The following ALK variants were observed in gnomAD, a reference collection of about 807,000 sequenced individuals.
ALK encodes the protein ALK tyrosine kinase receptor.
In ALK, 74 loss-of-function variants were observed where a neutral mutation model predicts 163.1. The ratio of observed to expected loss-of-function variants is 0.45; its 90% CI spans 0.38 to 0.55. The LOEUF is 0.55. Among genes scored for constraint, ALK ranks in the 20% least tolerant of loss-of-function variants. The pLI is 0.00. For missense variants in ALK, 2,063 were observed against 2,105.3 expected (o/e 0.98, Z 0.39); for synonymous variants, 960 against 843.2 (o/e 1.14, Z -2.40).
rs2148197494 is a variant in ALK, at chr2:29,251,197, G to C, written c.2112C>G (p.Ala704=). Residue 704 remains alanine (A), a synonymous_variant, in exon 12 of 29, where the codon GCC becomes GCG. Transcript: ENST00000389048. ...CCACGCTCAGGTTGGAGTTCTGGTA[G>C]GCGTTGTTGCACTGTGCCTGGGTGG... is the stretch of plus-strand genomic sequence containing the variant. ...HGPTQAQCNN[A]YQNSNLSVEV... The C allele has an allele frequency of 6.2e-7, 1 of 1,614,168 alleles. No individual in the cohort carries two copies. Among genetic ancestry groups the C allele is most frequent in the Non-Finnish European group, 8.5e-7 (1 of 1,180,010 alleles).
At chr2:29,486,599 C>T (rs922253229) in intron 4 of ALK, among the ~76,000 whole-genome samples, 11 of 152,142 alleles carry the variant, frequency 7.2e-5, no homozygotes, top group South Asian at 2.1e-4. Flanking sequence ...AAGAGAGATA[C>T]GGGCATGCCC....
intron 1 of ALK, among the ~76,000 whole-genome samples, chr2:29,840,972 T>G (rs114138690): frequency 0.015 from 2,302 of 152,272 alleles, 63 homozygotes; most frequent in African/African-American, 0.053. Flanking sequence ...TATACTGTCT[T>G]AACTCAATGG....
At chr2:29,795,420 A>T (rs1664283863) in intron 1 of ALK, among the ~76,000 whole-genome samples, 2 of 152,320 alleles carry the variant, frequency 1.3e-5, no homozygotes, top group East Asian at 3.9e-4. Flanking sequence ...AGGCAAATAT[A>T]GATCGCCTTT....
chr2:29,247,480 G>A (rs1664710367), intron 12 of ALK, among the ~76,000 whole-genome samples: 1 of 152,240 alleles, frequency 6.6e-6, no homozygotes, highest in African/African-American at 2.4e-5. Context: ...GGAGGAGATG[G>A]GGGTTCCAGG....
chr2:29,455,724 G>T (rs577926202), intron 4 of ALK, among the ~76,000 whole-genome samples: 21 of 152,324 alleles, frequency 1.4e-4, no homozygotes, highest in African/African-American at 5.1e-4. Context: ...AGAAGTAAGA[G>T]AAATGGGAAT....
chr2:29,592,861 A>G (rs1355007708), intron 3 of ALK, among the ~76,000 whole-genome samples: 1 of 152,208 alleles, frequency 6.6e-6, no homozygotes, highest in African/African-American at 2.4e-5. Flanking sequence ...AAGGAGCTCC[A>G]GGAACCACCA....
chr2:29,650,271 C>T (rs1035753552), intron 3 of ALK, among the ~76,000 whole-genome samples: 1 of 152,152 alleles, frequency 6.6e-6, no homozygotes, highest in African/African-American at 2.4e-5. Flanking sequence ...GTGACCAGAC[C>T]CCATCCTGAA....
chr2:29,371,015 C>T (rs1046928578), intron 5 of ALK, among the ~76,000 whole-genome samples: 1 of 152,214 alleles, frequency 6.6e-6, no homozygotes, highest in African/African-American at 2.4e-5. Flanking sequence ...GAAGCAGAAG[C>T]AGCAAAAGCT....
chr2:29,270,762 G>C (rs564540450), intron 11 of ALK, among the ~76,000 whole-genome samples: 3 of 152,148 alleles, frequency 2.0e-5, no homozygotes, highest in African/African-American at 7.2e-5. Flanking sequence ...GTCTGTAACT[G>C]GGGATTTCTG....
chr2:29,259,115 T>A (rs564714401), intron 11 of ALK, among the ~76,000 whole-genome samples: 1 of 152,324 alleles, frequency 6.6e-6, no homozygotes, highest in African/African-American at 2.4e-5. Context: ...TTTTTCACAC[T>A]GAGAACCATG....
intron 1 of ALK, among the ~76,000 whole-genome samples, chr2:29,856,973 G>A (rs375276304): frequency 8.3e-4 from 127 of 152,320 alleles, no homozygotes; most frequent in African/African-American, 2.9e-3. Flanking sequence ...TTGTCTGTGT[G>A]TAAGTGTGTG....
chr2:29,562,643 A>G (rs1007719846), intron 3 of ALK, among the ~76,000 whole-genome samples: 1 of 152,206 alleles, frequency 6.6e-6, no homozygotes, highest in Admixed American at 6.5e-5. Context: ...GGGAAAAAAA[A>G]TCTGAAACTT....
intron 24 of ALK, among the ~76,000 whole-genome samples, chr2:29,213,541 G>GGACTT: frequency 6.6e-6 from 1 of 152,274 alleles, no homozygotes. Flanking sequence ...AAGTGATATA[G>GGACTT]GACTTGAACA....
intron 4 of ALK, among the ~76,000 whole-genome samples, chr2:29,527,160 A>G (rs1672979250): frequency 6.6e-6 from 1 of 152,224 alleles, no homozygotes; most frequent in Non-Finnish European, 1.5e-5. Flanking sequence ...GTCCATAACC[A>G]TGCTGCAAAT....
At chr2:29,319,632 T>C (rs57277472) in intron 7 of ALK, among the ~76,000 whole-genome samples, 14,894 of 152,204 alleles carry the variant, frequency 0.098, 877 homozygotes, top group South Asian at 0.25. Flanking sequence ...TAATCTGTGA[T>C]TGAGAACAAC....
Position 29,742,431 on chromosome 2 carries a change from C to A in ALK, c.668-24734G>T, listed in dbSNP as rs1680087401. The stretch of plus-strand genomic sequence containing the variant: ...GAGATGGGCGGCCTTGCCTCTGTTA[C>A]AGGCTGTGGGGAAAGAATTCCATGG... On this transcript the variant is annotated intron_variant, in intron 1 of 28. Transcript: ENST00000389048. Among the ~76,000 whole-genome samples, 3 of 152,224 alleles carry A rather than the reference C, an allele frequency of 2.0e-5. No individual in the cohort carries two copies. The South Asian group carries it at 6.2e-4, about 31-fold the overall frequency.
chr2:29,857,820 G>C (rs547517018), intron 1 of ALK, among the ~76,000 whole-genome samples: 46 of 152,232 alleles, frequency 3.0e-4, no homozygotes, highest in Non-Finnish European at 6.2e-4. Context: ...GCAAGTGTTA[G>C]GGCTAGAAGT....
chr2:29,360,146 C>T (rs1668353820), intron 5 of ALK, among the ~76,000 whole-genome samples: 2 of 152,190 alleles, frequency 1.3e-5, no homozygotes, highest in Non-Finnish European at 2.9e-5. Context: ...GAGAATGTCT[C>T]TTCTCTGGGA....
chr2:29,424,293 A>C (rs915900003), intron 4 of ALK, among the ~76,000 whole-genome samples: 1 of 152,204 alleles, frequency 6.6e-6, no homozygotes, highest in Non-Finnish European at 1.5e-5. Context: ...AAAGATGACC[A>C]ACCTAAAAAT....
Sources: allele counts gnomAD v4.1 joint callset (sites outside exome capture counted in the v4.1 genomes callset), GRCh38; gene constraint gnomAD v4.1.1; transcripts MANE v1.5; gene names NCBI Gene and HGNC (gene_info 2026-07-23, HGNC 2026-07-21).